Variants in PCSK6 observed in about 807,000 individuals in gnomAD.
The protein encoded by PCSK6 is proprotein convertase subtilisin/kexin type 6, also known as paired basic amino acid cleaving enzyme 4.
Under a neutral mutation model 123.3 loss-of-function variants are expected in PCSK6, and 85 were observed. The ratio of observed to expected loss-of-function variants is 0.69; its 90% CI spans 0.58 to 0.83. The LOEUF (loss-of-function observed/expected upper bound fraction) is 0.83. Among genes scored for constraint, PCSK6 ranks in the 40% least tolerant of loss-of-function variants. The pLI is 0.00. For missense variants in PCSK6, 1,191 were observed against 1,282.3 expected, an observed-to-expected ratio of 0.93 and a Z score of 1.09; for synonymous variants, 508 against 516.0, an observed-to-expected ratio of 0.98 and a Z score of 0.21.
chr15:101,313,830 T>C (rs892739934), intron 19 of PCSK6: 1 of 246,436 alleles, frequency 4.1e-6, no homozygotes, highest in Non-Finnish European at 7.8e-6. Flanking sequence ...CACTTGGAAA[T>C]CCAGTGCCAA....
intron 13 of PCSK6, among the ~76,000 whole-genome samples, chr15:101,351,277 C>T (rs1392955526): frequency 6.6e-6 from 1 of 152,236 alleles, no homozygotes; most frequent in Non-Finnish European, 1.5e-5. Context: ...AGCATTAATA[C>T]TGCAGGTATA....
chr15:101,342,129 C>CAAAAAAAAAAAAAAAAAAAA (rs35083182), intron 13 of PCSK6, among the ~76,000 whole-genome samples: 1 of 51,520 alleles, frequency 1.9e-5, no homozygotes, highest in African/African-American at 7.6e-5. Context: ...GACCCTGTCT[C>CAAAAAAAAAAAAAAAAAAAA]AAAAAAAAAA....
At chr15:101,427,841 C>G (rs2056308719) in intron 6 of PCSK6, 51 bp downstream of exon 6, 1 of 1,411,378 alleles carries the variant, frequency 7.1e-7, no homozygotes, top group Non-Finnish European at 9.7e-7. Flanking sequence ...GAGCTCCCAG[C>G]TGCCCCTGCC....
At chr15:101,314,210 T>C (rs1440737835) in intron 19 of PCSK6, among the ~76,000 whole-genome samples, 3 of 152,110 alleles carry the variant, frequency 2.0e-5, no homozygotes, top group Non-Finnish European at 2.9e-5. Context: ...ACAACAGTTC[T>C]GAGCAAAGGG....
Position 101,304,116 on chromosome 15 carries a change from T to G in PCSK6, c.*1142A>C, listed in dbSNP as rs2039674042. ...TGGAGAAAGACGAGGTCGAAAAAAT[T>G]TAAGGCAAATGTTACTTCCCTATTC... On this transcript the variant is annotated 3_prime_UTR_variant, in exon 22 of 22. Transcript: ENST00000611716. 2 of 152,492 alleles carry G rather than the reference T, an allele frequency of 1.3e-5. No homozygotes were observed. Among genetic ancestry groups the G allele is most frequent in the South Asian group, 4.1e-4 (2 of 4,834 alleles). The allele number at this position is 152,492 out of a possible 1,614,324, so 9.4% of individuals were successfully genotyped here.
At position 101,378,915 on chromosome 15, in the gene PCSK6, A is replaced by G. The variant is rs3825918; in HGVS notation, c.1532+3177T>C. Among the ~76,000 whole-genome samples, 489 of 152,368 alleles carry G rather than the reference A, an allele frequency of 3.2e-3. 8 individuals carry two copies. The highest frequency in any genetic ancestry group is 0.017 in the East Asian group (89 of 5,182). ...GGGGACTGTGTCTGGTGGGTCTGGCATCACCGCCCCAGCTCCTTCCTCTGC... is the reference window on the plus strand; with the variant it reads ...GGGGACTGTGTCTGGTGGGTCTGGCGTCACCGCCCCAGCTCCTTCCTCTGC... On this transcript the variant is annotated intron_variant, in intron 11 of 21. Coordinates refer to ENST00000611716, the MANE Select transcript of PCSK6 (RefSeq NM_002570.5).
intron 15 of PCSK6, among the ~76,000 whole-genome samples, chr15:101,326,908 G>C (rs74842353): frequency 0.025 from 3,827 of 152,328 alleles, 110 homozygotes; most frequent in East Asian, 0.12. Context: ...ACACAAGAGG[G>C]GGTGCTGAGT....
intron 12 of PCSK6, among the ~76,000 whole-genome samples, chr15:101,368,950 C>T (rs1567169848): frequency 6.6e-6 from 1 of 152,228 alleles, no homozygotes. Flanking sequence ...CCGAACTGCT[C>T]GTGCCCGTGT....
At chr15:101,377,090 G>T (rs756095906) in intron 11 of PCSK6, among the ~76,000 whole-genome samples, 5 of 152,276 alleles carry the variant, frequency 3.3e-5, no homozygotes, top group Non-Finnish European at 7.3e-5. Flanking sequence ...GCACAGTAGA[G>T]CTGGGTTGAC....
intron 19 of PCSK6, among the ~76,000 whole-genome samples, chr15:101,314,011 C>T (rs898816805): frequency 3.9e-5 from 6 of 152,150 alleles, no homozygotes; most frequent in East Asian, 1.9e-4. Context: ...AAATTGCACC[C>T]GTGGCTTGCG....
chr15:101,457,424 C>A (rs1220466274), intron 1 of PCSK6, among the ~76,000 whole-genome samples: 1 of 152,186 alleles, frequency 6.6e-6, no homozygotes, highest in African/African-American at 2.4e-5. Context: ...GCTCGGCTCA[C>A]GGCCTGGCAC....
At position 101,397,273 on chromosome 15, in the gene PCSK6, T is replaced by G. The variant is rs903565; in HGVS notation, c.996+1131A>C. On this transcript the variant is annotated intron_variant, in intron 7 of 21. Transcript: ENST00000611716. ...ACTTAGAGAAAGGAAATCATGAACA[T>G]GGTTTGAAAACAGATTCCTCCTCCG... Among the ~76,000 whole-genome samples the G allele has an allele frequency of 2.6e-5, 4 of 151,962 alleles. No individual in the cohort carries two copies. The East Asian group carries it at 5.8e-4, about 22-fold the overall frequency.
intron 1 of PCSK6, among the ~76,000 whole-genome samples, chr15:101,474,825 C>T (rs912559625): frequency 4.6e-5 from 7 of 152,214 alleles, no homozygotes; most frequent in African/African-American, 1.7e-4. Context: ...CAGCTCCCCA[C>T]CACTGCCTAC....
intron 20 of PCSK6, chr15:101,309,102 C>T (rs2039793590): frequency 1.3e-5 from 2 of 152,630 alleles, no homozygotes; most frequent in Admixed American, 1.3e-4. Flanking sequence ...TTGCCACACA[C>T]TCAGCAGCTG....
At chr15:101,481,306 TGAGGGGCGAATCTGGTGACGGGTG>T (rs2057875170) in intron 1 of PCSK6, among the ~76,000 whole-genome samples, 1 of 126,188 alleles carries the variant, frequency 7.9e-6, no homozygotes, top group Admixed American at 7.8e-5. Flanking sequence ...CTTGGAAGGC[TGAGGGGCGAATCTGGTGACGGGTG>T]GGAAGGCTGA....
chr15:101,463,765 T>C (rs2057391858), intron 1 of PCSK6, among the ~76,000 whole-genome samples: 1 of 152,100 alleles, frequency 6.6e-6, no homozygotes, highest in East Asian at 1.9e-4. Flanking sequence ...GGAGTTGGGG[T>C]GTGGGGTGCC....
At chr15:101,427,402 G>A (rs1010242924) in intron 6 of PCSK6, among the ~76,000 whole-genome samples, 9 of 152,126 alleles carry the variant, frequency 5.9e-5, no homozygotes, top group African/African-American at 1.7e-4. Context: ...GGCATCAATC[G>A]GGAAGACCAG....
At chr15:101,388,591 C>G (rs12901573) in intron 9 of PCSK6, among the ~76,000 whole-genome samples, 31,523 of 152,126 alleles carry the variant, frequency 0.21, 4,133 homozygotes, top group African/African-American at 0.37. Context: ...TGTGGATTTG[C>G]TGTGAGGTGC....
intron 11 of PCSK6, among the ~76,000 whole-genome samples, chr15:101,371,151 G>A (rs1243382913): frequency 2.6e-5 from 4 of 152,178 alleles, no homozygotes; most frequent in African/African-American, 4.8e-5. Context: ...AGGTTGCAGC[G>A]AGCCGAGGTC....
Sources: gnomAD v4.1 joint callset for allele counts (sites outside exome capture counted in the v4.1 genomes callset) on GRCh38, gnomAD v4.1.1 for gene constraint, MANE v1.5 for transcripts, NCBI Gene and HGNC (gene_info 2026-07-23, HGNC 2026-07-21) for gene names.